Variants in FRAS1 observed in about 807,000 individuals in gnomAD.
FRAS1 encodes the protein Fraser extracellular matrix complex subunit 1, also known as extracellular matrix organizing protein FRAS1.
Under a neutral mutation model 435.2 loss-of-function variants are expected in FRAS1, and 290 were observed. That is an observed-to-expected ratio of 0.67 (90% CI 0.61 to 0.73). FRAS1 has a LOEUF of 0.73. FRAS1 is among the 30% of genes least tolerant of loss of function. FRAS1 has a pLI of 0.00. For missense variants in FRAS1, 4,860 were observed against 5,001.5 expected (o/e 0.97, Z 0.85); for synonymous variants, 1,800 against 1,851.0 (o/e 0.97, Z 0.71).
At chr4:78,214,809 C>T (rs1055700253) in intron 2 of FRAS1, among the ~76,000 whole-genome samples, 1 of 152,216 alleles carries the variant, frequency 6.6e-6, no homozygotes, top group Non-Finnish European at 1.5e-5. Flanking sequence ...CAGAACATTA[C>T]TAGCCAGTCC....
At chr4:78,538,934 G>A (rs1363836671) in intron 72 of FRAS1, among the ~76,000 whole-genome samples, 4 of 143,298 alleles carry the variant, frequency 2.8e-5, no homozygotes, top group Non-Finnish European at 6.0e-5. Context: ...CAGCCTGGGC[G>A]ACAGAGCAAG....
chr4:78,438,675 G>A lies in FRAS1; in HGVS notation c.5323G>A (p.Val1775Ile), dbSNP rs1371939834. The change falls in exon 39 of 74, where the codon GTT becomes ATT. Residue 1775 changes from valine (V) to isoleucine (I), a missense_variant. By Grantham distance (29) the Val-to-Ile change is conservative (BLOSUM62 3). Transcript: ENST00000512123. ...SGSEVEELSE[V>I]SNFTMEDINN... ...ATCTGAGGTGGAAGAGCTCTCAGAAGTTTCCAATTTCACAATGGAAGACAT... is the reference window on the plus strand; with the variant it reads ...ATCTGAGGTGGAAGAGCTCTCAGAAATTTCCAATTTCACAATGGAAGACAT... 1.2e-6 allele frequency: 2 copies of A among 1,611,786 alleles called. No individual in the cohort carries two copies. The highest frequency in any genetic ancestry group is 1.3e-5 in the African/African-American group (1 of 75,006).
chr4:78,110,325 G>T lies in FRAS1; in HGVS notation c.108+44309G>T, dbSNP rs899136958. Reference sequence around the variant, plus strand: ...CTAAGCCAAAAGAACAAAGCTGGAGGCATCACACTACCTGAGTTCAAACTA... The same window carrying T: ...CTAAGCCAAAAGAACAAAGCTGGAGTCATCACACTACCTGAGTTCAAACTA... On this transcript the variant is annotated intron_variant, in intron 2 of 73. Transcript: ENST00000512123. Among the ~76,000 whole-genome samples the T allele has an allele frequency of 1.6e-5, 2 of 126,738 alleles. 1 individual carries two copies. The highest frequency in any genetic ancestry group is 6.5e-5 in the African/African-American group (2 of 30,946). 83.1% of individuals were successfully genotyped at this position (126,738 alleles called of 152,430 possible). A position where few individuals can be genotyped will look rare whatever the true frequency, so the allele number is the denominator to read the frequency against.
chr4:78,222,200 G>A (rs1431018635), intron 2 of FRAS1, among the ~76,000 whole-genome samples: 1 of 152,170 alleles, frequency 6.6e-6, no homozygotes, highest in Non-Finnish European at 1.5e-5. Context: ...GACTCCTGTG[G>A]AATCTATTGG....
intron 71 of FRAS1, among the ~76,000 whole-genome samples, chr4:78,535,366 G>A (rs927179011): frequency 1.3e-5 from 2 of 152,068 alleles, no homozygotes; most frequent in African/African-American, 4.8e-5. Context: ...CCTCATCCTG[G>A]ATCTCTCCGA....
intron 2 of FRAS1, among the ~76,000 whole-genome samples, chr4:78,067,108 C>T (rs1259069472): frequency 6.6e-6 from 1 of 152,126 alleles, no homozygotes; most frequent in Non-Finnish European, 1.5e-5. Flanking sequence ...AGTCAGTTAT[C>T]CGTGCTAATA....
intron 11 of FRAS1, among the ~76,000 whole-genome samples, chr4:78,282,523 C>G (rs989686015): frequency 2.0e-5 from 3 of 152,172 alleles, no homozygotes; most frequent in Non-Finnish European, 4.4e-5. Flanking sequence ...GTTTTAAATG[C>G]CTTTTACATA....
intron 20 of FRAS1, among the ~76,000 whole-genome samples, chr4:78,343,712 A>G (rs937945445): frequency 1.3e-5 from 2 of 152,214 alleles, no homozygotes; most frequent in Admixed American, 1.3e-4. Flanking sequence ...GAATAAGCTG[A>G]TACAACTGCA....
intron 15 of FRAS1, among the ~76,000 whole-genome samples, chr4:78,309,106 C>A (rs370244262): frequency 2.6e-5 from 4 of 152,100 alleles, no homozygotes; most frequent in African/African-American, 9.7e-5. Flanking sequence ...GACCAGAGGT[C>A]GGAGTGATAG....
chr4:78,223,915 AGT>A (rs1724161333), intron 2 of FRAS1, among the ~76,000 whole-genome samples: 1 of 152,210 alleles, frequency 6.6e-6, no homozygotes, highest in South Asian at 2.1e-4. Context: ...TGATTTGAAC[AGT>A]GTTGTGTAGT....
chr4:78,542,384 T>A lies in FRAS1; in HGVS notation c.*1260T>A, dbSNP rs1722085681. The A allele has an allele frequency of 6.6e-6, 1 of 152,442 alleles. No individual in the cohort carries two copies. Among genetic ancestry groups the A allele is most frequent in the South Asian group, 2.1e-4 (1 of 4,830 alleles). The allele number at this position is 152,442 out of a possible 1,614,324, so 9.4% of individuals were successfully genotyped here. A position where few individuals can be genotyped will look rare whatever the true frequency, so the allele number is the denominator to read the frequency against. ...GTGTAGGCTACACACAGCTTGCTTT[T>A]GTTTCTCTTCTGTTTCTGCCTTATT... On this transcript the variant is annotated 3_prime_UTR_variant, in exon 74 of 74. Transcript: ENST00000512123.
In FRAS1 at chr4:78,149,105, C is replaced by A. The variant is rs1241324705; in HGVS notation, c.108+83089C>A. ...CCTTTTTTTTGTATTTTGGCTTTCC[C>A]CACAATCCCTTTAGGAGATAGTCAC... is the stretch of plus-strand genomic sequence containing the variant. On this transcript the variant is annotated intron_variant, in intron 2 of 73. Transcript: ENST00000512123. Among the ~76,000 whole-genome samples the A allele has an allele frequency of 2.0e-5, 3 of 152,010 alleles. No homozygotes were observed. The East Asian group carries it at 5.8e-4, about 29-fold the overall frequency.
intron 2 of FRAS1, among the ~76,000 whole-genome samples, chr4:78,203,382 A>C (rs1723125377): frequency 6.6e-6 from 1 of 152,104 alleles, no homozygotes; most frequent in Non-Finnish European, 1.5e-5. Flanking sequence ...TTACCTACTC[A>C]ACTAAAATTT....
intron 2 of FRAS1, among the ~76,000 whole-genome samples, chr4:78,141,583 T>A (rs995984623): frequency 1.3e-5 from 2 of 152,066 alleles, no homozygotes; most frequent in Non-Finnish European, 2.9e-5. Flanking sequence ...AAAGCAGTGG[T>A]TGAGAGGCTC....
intron 72 of FRAS1, among the ~76,000 whole-genome samples, chr4:78,539,032 G>A (rs1390742): frequency 0.15 from 23,378 of 151,558 alleles, 2,020 homozygotes; most frequent in Non-Finnish European, 0.21. Flanking sequence ...AACTGTCACC[G>A]TGATTCAATT....
chr4:78,308,653 G>A (rs1728891349), intron 15 of FRAS1, among the ~76,000 whole-genome samples: 2 of 152,206 alleles, frequency 1.3e-5, no homozygotes, highest in South Asian at 2.1e-4. Flanking sequence ...TTAAAGCTGA[G>A]CAGTTATTAT....
At chr4:78,295,367 A>G (rs141123888) in intron 14 of FRAS1, among the ~76,000 whole-genome samples, 179 of 152,330 alleles carry the variant, frequency 1.2e-3, no homozygotes, top group African/African-American at 4.1e-3. Flanking sequence ...CTTACCAGAA[A>G]TGTATAAGGG....
intron 20 of FRAS1, among the ~76,000 whole-genome samples, chr4:78,361,819 A>G (rs746607156): frequency 4.6e-5 from 7 of 152,196 alleles, no homozygotes; most frequent in Non-Finnish European, 1.0e-4. Flanking sequence ...TTTGAATCCT[A>G]CAGGGGAAGG....
chr4:78,309,923 C>T (rs1037381088), intron 15 of FRAS1, among the ~76,000 whole-genome samples: 3 of 152,090 alleles, frequency 2.0e-5, no homozygotes, highest in Non-Finnish European at 4.4e-5. Flanking sequence ...CTTGAGTTAT[C>T]GTCCTCATTT....
Sources: gnomAD v4.1 joint callset for allele counts (sites outside exome capture counted in the v4.1 genomes callset) on GRCh38, gnomAD v4.1.1 for gene constraint, MANE v1.5 for transcripts, NCBI Gene and HGNC (gene_info 2026-07-23, HGNC 2026-07-21) for gene names.